The following AKAP7 variants were observed in gnomAD, a reference collection of about 807,000 sequenced individuals.
AKAP7 encodes the protein A kinase (PRKA) anchor protein 7.
In AKAP7, 39 loss-of-function variants were observed where a neutral mutation model predicts 39.5. That is an observed-to-expected ratio of 0.99 (90% CI 0.76 to 1.29). AKAP7 has a LOEUF of 1.29. Ranked by LOEUF, AKAP7 falls within the 50% of genes most tolerant of loss-of-function variation. The probability of loss-of-function intolerance (pLI) is 0.00; values close to 1 mark genes in which losing one functional copy is unlikely to be tolerated. For synonymous variants in AKAP7, 140 were observed against 139.1 expected, an observed-to-expected ratio of 1.01 and a Z score of -0.05; for missense variants, 414 against 407.7, an observed-to-expected ratio of 1.02 and a Z score of -0.13.
At chr6:131,241,619 G>GTATATATATGTATATATATATA (rs1562238108) in intron 7 of AKAP7, among the ~76,000 whole-genome samples, 1 of 70,976 alleles carries the variant, frequency 1.4e-5, no homozygotes, top group African/African-American at 5.3e-5. Flanking sequence ...GTGTGTGTGT[G>GTATATATATGTATATATATATA]TGTGTGTGTA....
At chr6:131,174,087 T>C (rs1804342685) in intron 5 of AKAP7, among the ~76,000 whole-genome samples, 1 of 152,242 alleles carries the variant, frequency 6.6e-6, no homozygotes, top group Non-Finnish European at 1.5e-5. Context: ...CTTATGTTTT[T>C]CAAAAGTTTC....
chr6:131,238,201 T>C (rs1439130853), intron 7 of AKAP7, among the ~76,000 whole-genome samples: 1 of 152,216 alleles, frequency 6.6e-6, no homozygotes, highest in African/African-American at 2.4e-5. Context: ...TCAGTTTCCA[T>C]GTGGTTGAAC....
intron 5 of AKAP7, chr6:131,184,618 G>A: frequency 4.0e-6 from 3 of 749,508 alleles, no homozygotes; most frequent in Non-Finnish European, 5.0e-6. Context: ...GTCGAAACAG[G>A]ACACCACCTC....
At chr6:131,246,363 C>A (rs547628897) in intron 7 of AKAP7, among the ~76,000 whole-genome samples, 65 of 152,156 alleles carry the variant, frequency 4.3e-4, no homozygotes, top group Non-Finnish European at 7.8e-4. Context: ...TGGTCTGTAG[C>A]CAGGCCTGGG....
chr6:131,204,995 C>T (rs1807951428), intron 6 of AKAP7, among the ~76,000 whole-genome samples: 1 of 152,084 alleles, frequency 6.6e-6, no homozygotes, highest in Non-Finnish European at 1.5e-5. Flanking sequence ...GCACTAAAAG[C>T]ACCTAAAGTA....
At chr6:131,188,601 C>A (rs558127614) in intron 5 of AKAP7, among the ~76,000 whole-genome samples, 1 of 152,252 alleles carries the variant, frequency 6.6e-6, no homozygotes, top group South Asian at 2.1e-4. Context: ...ACAGTGGTGT[C>A]ATCACAGCTC....
intron 7 of AKAP7, among the ~76,000 whole-genome samples, chr6:131,257,388 A>AAAAAAAAT (rs1562248363): frequency 1.3e-5 from 2 of 150,828 alleles, no homozygotes; most frequent in African/African-American, 4.9e-5. Context: ...AAAAAAAAAA[A>AAAAAAAAT]AGTCAGCTTG....
chr6:131,166,696 G>A (rs1803530885), intron 4 of AKAP7, among the ~76,000 whole-genome samples: 1 of 152,190 alleles, frequency 6.6e-6, no homozygotes, highest in Non-Finnish European at 1.5e-5. Flanking sequence ...ACTTTTAATT[G>A]ATGGTGAGGT....
At chr6:131,177,318 G>C (rs74297866) in intron 5 of AKAP7, among the ~76,000 whole-genome samples, 1 of 152,264 alleles carries the variant, frequency 6.6e-6, no homozygotes, top group East Asian at 1.9e-4. Context: ...CAAGAGCATA[G>C]CACTGCACTG....
At chr6:131,275,197 C>A (rs1814647225) in intron 7 of AKAP7, among the ~76,000 whole-genome samples, 1 of 152,170 alleles carries the variant, frequency 6.6e-6, no homozygotes, top group African/African-American at 2.4e-5. Flanking sequence ...AAGTTGAACT[C>A]AGATTTAATC....
intron 5 of AKAP7, among the ~76,000 whole-genome samples, chr6:131,195,413 T>G (rs537976999): frequency 6.6e-6 from 1 of 152,290 alleles, no homozygotes; most frequent in East Asian, 1.9e-4. Flanking sequence ...GTGGTAGTTA[T>G]TATTTTGATT....
At chr6:131,153,226 A>G (rs1802102950) in intron 2 of AKAP7, among the ~76,000 whole-genome samples, 1 of 152,164 alleles carries the variant, frequency 6.6e-6, no homozygotes, top group Admixed American at 6.5e-5. Flanking sequence ...GTGTATTACA[A>G]GGGTTGGTAA....
At position 131,184,195 on chromosome 6, in the gene AKAP7, G is replaced by A. The variant is rs1018998334; in HGVS notation, c.589+14922G>A. On this transcript the variant is annotated intron_variant, in intron 5 of 7. Transcript: ENST00000431975. ...ATCAGCTTGTGGCTGCCAAAGGCAG[G>A]CTAGAACAACCACCCCAAGGTTCTC... is the stretch of plus-strand genomic sequence containing the variant. 4.4e-5 allele frequency: 17 copies of A among 390,336 alleles called. No homozygotes were observed. The Admixed American group carries it at 4.6e-4, about 11-fold the overall frequency. 24.2% of individuals were successfully genotyped at this position (390,336 alleles called of 1,614,324 possible).
intron 5 of AKAP7, chr6:131,184,500 C>T (rs1002196096): frequency 1.2e-5 from 8 of 678,918 alleles, no homozygotes; most frequent in East Asian, 2.9e-5. Context: ...TCAGAGGTGC[C>T]GCAGATATCG....
chr6:131,225,386 C>G (rs1810075551), intron 7 of AKAP7, among the ~76,000 whole-genome samples: 3 of 152,128 alleles, frequency 2.0e-5, no homozygotes, highest in Non-Finnish European at 4.4e-5. Context: ...CACAAATCAT[C>G]CTCATCCGTA....
rs972497233 is a variant in AKAP7, at chr6:131,282,258, C to A, written c.*532C>A. 1.5e-6 allele frequency: 2 copies of A among 1,355,354 alleles called. No homozygotes were observed. Among genetic ancestry groups the A allele is most frequent in the African/African-American group, 2.9e-5 (2 of 68,062 alleles). The allele number at this position is 1,355,354 out of a possible 1,614,324, so 84.0% of individuals were successfully genotyped here. On this transcript the variant is annotated 3_prime_UTR_variant, in exon 8 of 8. Transcript: ENST00000431975. ...TCTTTATTTATAGTAAATTATGTTT[C>A]ATGTAAATGATATATTTTTGGTGAA...
intron 7 of AKAP7, among the ~76,000 whole-genome samples, chr6:131,243,513 T>C (rs989863246): frequency 3.3e-5 from 5 of 152,202 alleles, no homozygotes; most frequent in Admixed American, 6.5e-5. Context: ...CTGGTATAAA[T>C]AAATTTTCTT....
rs777520993 is a variant in AKAP7, at chr6:131,169,249, G to A, written c.565G>A (p.Val189Ile). ...GFVKLAEGDH[V>I]NSLLEIAETA... ...TGTGAAGCTGGCAGAAGGAGATCAT[G>A]TAAACTCACTTTTGGAGATAGCAGG... Residue 189 changes from valine (V) to isoleucine (I), a missense_variant, in exon 5 of 8, where the codon GTA becomes ATA. Coordinates refer to ENST00000431975, the MANE Select transcript of AKAP7 (RefSeq NM_016377.4). 2 of 1,614,056 alleles carry A rather than the reference G, an allele frequency of 1.2e-6. No individual in the cohort carries two copies. The highest frequency in any genetic ancestry group is 2.2e-5 in the East Asian group (1 of 44,860).
intron 7 of AKAP7, among the ~76,000 whole-genome samples, chr6:131,254,240 G>T (rs1339514937): frequency 2.0e-5 from 3 of 152,130 alleles, no homozygotes; most frequent in Non-Finnish European, 4.4e-5. Context: ...AAAATTACTG[G>T]AAATATTATA....
Sources: gnomAD v4.1 joint callset for allele counts (sites outside exome capture counted in the v4.1 genomes callset) on GRCh38, gnomAD v4.1.1 for gene constraint, MANE v1.5 for transcripts, NCBI Gene and HGNC (gene_info 2026-07-23, HGNC 2026-07-21) for gene names.